Variants in MAD1L1 observed in about 807,000 individuals in gnomAD.
MAD1L1 encodes mitotic spindle assembly checkpoint protein MAD1.
A neutral mutation model predicts 96.9 loss-of-function variants in MAD1L1; 95 were observed. The observed-to-expected ratio is 0.98, with a 90% CI of 0.83 to 1.16. MAD1L1 has a LOEUF of 1.16. MAD1L1 is among the 50% of genes most tolerant of loss of function. The pLI is 0.00. For missense variants in MAD1L1, 1,007 were observed against 954.4 expected, an observed-to-expected ratio of 1.06 and a Z score of -0.73; for synonymous variants, 473 against 396.6, an observed-to-expected ratio of 1.19 and a Z score of -2.29.
chr7:2,132,343 G>A (rs914272145), intron 11 of MAD1L1, among the ~76,000 whole-genome samples: 7 of 152,108 alleles, frequency 4.6e-5, no homozygotes, highest in Non-Finnish European at 1.0e-4. Context: ...TACATTCTCG[G>A]GTTTAGACGA....
At chr7:1,970,006 A>G (rs1780334055) in intron 15 of MAD1L1, among the ~76,000 whole-genome samples, 2 of 152,220 alleles carry the variant, frequency 1.3e-5, no homozygotes, top group African/African-American at 2.4e-5. Context: ...ATTTATGAGA[A>G]AGCTACCTAA....
At chr7:1,824,811 C>T (rs947495307) in intron 18 of MAD1L1, among the ~76,000 whole-genome samples, 2 of 152,054 alleles carry the variant, frequency 1.3e-5, no homozygotes, top group East Asian at 1.9e-4. Context: ...AAAGACTCTC[C>T]GGGCGTCTCA....
At chr7:1,977,763 C>T (rs1780712483) in intron 15 of MAD1L1, among the ~76,000 whole-genome samples, 2 of 152,272 alleles carry the variant, frequency 1.3e-5, no homozygotes, top group Non-Finnish European at 2.9e-5. Context: ...TTCTAGGTGC[C>T]AAAAGGCCCA....
chr7:1,951,685 T>C (rs1474779257), intron 16 of MAD1L1, among the ~76,000 whole-genome samples: 1 of 152,134 alleles, frequency 6.6e-6, no homozygotes, highest in Non-Finnish European at 1.5e-5. Context: ...TGGAATCACA[T>C]AGCCTGTGTC....
At chr7:1,854,458 G>C in intron 18 of MAD1L1, 1 of 440,638 alleles carries the variant, frequency 2.3e-6, no homozygotes, top group South Asian at 1.6e-5. Flanking sequence ...ACAAGGGCAG[G>C]GTAAGGCACA....
chr7:1,974,212 G>A (rs770459033), intron 15 of MAD1L1, among the ~76,000 whole-genome samples: 2 of 152,222 alleles, frequency 1.3e-5, no homozygotes, highest in African/African-American at 2.4e-5. Flanking sequence ...AGGCTGGAGA[G>A]GAAAGATCAG....
chr7:1,838,116 A>G (rs922486171), intron 18 of MAD1L1, among the ~76,000 whole-genome samples: 2 of 152,180 alleles, frequency 1.3e-5, no homozygotes, highest in African/African-American at 4.8e-5. Flanking sequence ...CCCGAAACCC[A>G]CGCCAACACC....
intron 18 of MAD1L1, among the ~76,000 whole-genome samples, chr7:1,889,498 C>T (rs1319634365): frequency 1.3e-5 from 2 of 152,216 alleles, no homozygotes; most frequent in African/African-American, 2.4e-5. Context: ...CCCAGCTGCA[C>T]ATCCTGAGGC....
At chr7:1,914,480 G>A (rs1788245866) in intron 17 of MAD1L1, among the ~76,000 whole-genome samples, 1 of 152,226 alleles carries the variant, frequency 6.6e-6, no homozygotes, top group African/African-American at 2.4e-5. Context: ...AGGCACGTGG[G>A]TGCTTCTGGG....
At chr7:1,890,732 G>A (rs574917106) in intron 18 of MAD1L1, among the ~76,000 whole-genome samples, 2 of 152,296 alleles carry the variant, frequency 1.3e-5, no homozygotes, top group South Asian at 4.1e-4. Flanking sequence ...TGTTTTATCA[G>A]CTCTCCATCG....
chr7:2,054,981 G>A (rs960415909), intron 12 of MAD1L1, among the ~76,000 whole-genome samples: 9 of 152,318 alleles, frequency 5.9e-5, no homozygotes, highest in African/African-American at 2.2e-4. Flanking sequence ...AGGAGGAGCC[G>A]AGCGGTGGGG....
At chr7:1,962,658 A>G (rs1351823327) in intron 15 of MAD1L1, among the ~76,000 whole-genome samples, 1 of 152,264 alleles carries the variant, frequency 6.6e-6, no homozygotes, top group Non-Finnish European at 1.5e-5. Context: ...GTGCTTTACC[A>G]AAGAAGATCT....
intron 10 of MAD1L1, among the ~76,000 whole-genome samples, chr7:2,212,010 A>C (rs1450082407): frequency 6.6e-6 from 1 of 152,192 alleles, no homozygotes. Context: ...CTCCTTCAAA[A>C]GCATCGCTCC....
intron 14 of MAD1L1, among the ~76,000 whole-genome samples, chr7:1,981,096 A>G (rs1032392994): frequency 6.6e-6 from 1 of 152,144 alleles, no homozygotes; most frequent in Non-Finnish European, 1.5e-5. Context: ...CCTCCTGAGT[A>G]GCTGGGACTA....
At position 1,855,634 on chromosome 7, in the gene MAD1L1, C is replaced by T. The variant is rs141504148; in HGVS notation, c.1999-39406G>A. Among the ~76,000 whole-genome samples the T allele has an allele frequency of 7.7e-3, 1,168 of 152,248 alleles. 2 individuals carry two copies. The highest frequency in any genetic ancestry group is 0.013 in the Non-Finnish European group (882 of 68,004). On this transcript the variant is annotated intron_variant, in intron 18 of 18. Transcript: ENST00000265854. ...CCTCCTCAGAGCGGCCTTGTCCGTG[C>T]CCCCTCCTAAGATTCTGGGAGCATT...
At chr7:2,006,246 G>C (rs1782025018) in intron 13 of MAD1L1, among the ~76,000 whole-genome samples, 2 of 152,092 alleles carry the variant, frequency 1.3e-5, no homozygotes, top group African/African-American at 2.4e-5. Flanking sequence ...AGCTCCAACA[G>C]GGTAAGTGGT....
chr7:1,867,272 G>A (rs1784821045), intron 18 of MAD1L1, among the ~76,000 whole-genome samples: 1 of 152,214 alleles, frequency 6.6e-6, no homozygotes, highest in African/African-American at 2.4e-5. Context: ...GGCCTTCGGG[G>A]CTAATGGAGG....
At chr7:1,937,475 G>C (rs1778676081) in intron 16 of MAD1L1, among the ~76,000 whole-genome samples, 1 of 152,160 alleles carries the variant, frequency 6.6e-6, no homozygotes, top group Admixed American at 6.5e-5. Flanking sequence ...TGAGGGAGGA[G>C]TGCGCCTGGA....
chr7:2,211,310 C>T (rs1792935349), intron 10 of MAD1L1, among the ~76,000 whole-genome samples: 1 of 152,140 alleles, frequency 6.6e-6, no homozygotes, highest in Admixed American at 6.5e-5. Flanking sequence ...GGCAGCACCC[C>T]CAGGCCAGCT....
Sources: gnomAD v4.1 joint callset for allele counts (sites outside exome capture counted in the v4.1 genomes callset) on GRCh38, gnomAD v4.1.1 for gene constraint, MANE v1.5 for transcripts, NCBI Gene and HGNC (gene_info 2026-07-23, HGNC 2026-07-21) for gene names.